CEP128: variants seen among roughly 807,000 people sequenced by gnomAD.
CEP128 encodes centrosomal protein 128kDa.
A neutral mutation model predicts 156.7 loss-of-function variants in CEP128; 132 were observed. That is an observed-to-expected ratio of 0.84 (90% CI 0.73 to 0.97). CEP128 has a LOEUF of 0.97. Ranked by LOEUF, CEP128 falls within the 50% of genes least tolerant of loss-of-function variation. The pLI, the probability that CEP128 is intolerant of heterozygous loss-of-function variation, is 0.00. For synonymous variants in CEP128, 469 were observed against 448.9 expected (o/e 1.04, Z -0.57); for missense variants, 1,252 against 1,281.9 (o/e 0.98, Z 0.36).
chr14:80,779,373 C>T (rs537472856), intron 15 of CEP128, among the ~76,000 whole-genome samples: 2 of 152,188 alleles, frequency 1.3e-5, no homozygotes, highest in South Asian at 2.1e-4. Context: ...ATTAAATTAA[C>T]AAAGAAATTG....
At chr14:80,645,396 T>C (rs2140815344) in intron 19 of CEP128, among the ~76,000 whole-genome samples, 1 of 152,190 alleles carries the variant, frequency 6.6e-6, no homozygotes, top group South Asian at 2.1e-4. Flanking sequence ...GAAATCAGAC[T>C]CAAAGTTAGC....
intron 23 of CEP128, among the ~76,000 whole-genome samples, chr14:80,508,233 G>C (rs544393391): frequency 1.3e-5 from 2 of 152,142 alleles, no homozygotes; most frequent in Non-Finnish European, 2.9e-5. Context: ...AATTTTTAAT[G>C]ATGAAGCCAG....
Position 80,526,932 on chromosome 14 carries a change from C to T in CEP128, c.3009G>A (p.Arg1003=), listed in dbSNP as rs370431744. ...GATGCTGAAGAGAATTTCTGCGAAC[C>T]CTGTATTTGGAATATCTTCCATCAG... is the stretch of plus-strand genomic sequence containing the variant. ...ERTDGRYSKY[R]VRRNSLQHHQ... is the part of the protein sequence containing the mutation. The change falls in exon 23 of 25, where the codon AGG becomes AGA. Residue 1003 remains arginine, a synonymous_variant. Coordinates refer to ENST00000555265, the MANE Select transcript of CEP128 (RefSeq NM_152446.5). 2.3e-5 allele frequency: 37 copies of T among 1,610,094 alleles called. No individual in the cohort carries two copies. Among genetic ancestry groups the T allele is most frequent in the Non-Finnish European group, 2.8e-5 (33 of 1,178,516 alleles).
At chr14:80,852,013 G>C (rs1886916067) in intron 9 of CEP128, among the ~76,000 whole-genome samples, 1 of 151,936 alleles carries the variant, frequency 6.6e-6, no homozygotes, top group Non-Finnish European at 1.5e-5. Flanking sequence ...AGAAGCTTTA[G>C]ATATATGTAC....
chr14:80,916,361 C>T (rs1487438512), intron 3 of CEP128, 40 bp downstream of exon 3: 1 of 1,524,674 alleles, frequency 6.6e-7, no homozygotes, highest in Non-Finnish European at 9.0e-7. Flanking sequence ...GCAGCTCAAA[C>T]TATTTAAATT....
At chr14:80,915,811 A>G (rs1190818948) in intron 3 of CEP128, among the ~76,000 whole-genome samples, 1 of 152,190 alleles carries the variant, frequency 6.6e-6, no homozygotes, top group African/African-American at 2.4e-5. Flanking sequence ...AACACTCTCC[A>G]CCACCTATCA....
rs140657689 is a variant in CEP128, at chr14:80,929,192, G to A, written c.-16+10193C>T. ...AGATACCATCTTATCCCAGCAGAAT[G>A]GCCATTATTAAAATGTCAAACAACA... On this transcript the variant is annotated intron_variant, in intron 2 of 24. Transcript: ENST00000555265. 1.5e-3 allele frequency among the ~76,000 whole-genome samples: 232 copies of A among 152,120 alleles called. 2 individuals carry two copies. The highest frequency in any genetic ancestry group is 5.1e-3 in the African/African-American group (210 of 41,494).
chr14:80,577,251 T>C (rs1358232400), intron 20 of CEP128, among the ~76,000 whole-genome samples: 2 of 152,190 alleles, frequency 1.3e-5, no homozygotes, highest in African/African-American at 2.4e-5. Flanking sequence ...ATTCGCTATA[T>C]GACTTTTAGT....
In CEP128 at chr14:80,546,728, C is replaced by T. The variant is rs939537132; in HGVS notation, c.2880+12551G>A. On this transcript the variant is annotated intron_variant, in intron 21 of 24. Coordinates refer to ENST00000555265, the MANE Select transcript of CEP128 (RefSeq NM_152446.5). ...AGAAAGCATAGGTAGCAGTGAGATGCTAGGAGAGAAAAACATCACAAAAGC... is the reference window on the plus strand; with the variant it reads ...AGAAAGCATAGGTAGCAGTGAGATGTTAGGAGAGAAAAACATCACAAAAGC... Among the ~76,000 whole-genome samples the T allele has an allele frequency of 1.9e-4, 29 of 152,052 alleles. 1 individual carries two copies. The highest frequency in any genetic ancestry group is 1.3e-4 in the Admixed American group (2 of 15,266).
At chr14:80,810,783 G>C (rs1884489102) in intron 13 of CEP128, among the ~76,000 whole-genome samples, 1 of 152,158 alleles carries the variant, frequency 6.6e-6, no homozygotes, top group Non-Finnish European at 1.5e-5. Context: ...TTTGATGAAA[G>C]AATTTCTATT....
intron 19 of CEP128, among the ~76,000 whole-genome samples, chr14:80,675,706 A>G (rs73332696): frequency 0.014 from 2,064 of 152,170 alleles, 42 homozygotes; most frequent in African/African-American, 0.047. Context: ...TGTTTTTGAA[A>G]CACATTTTGA....
intron 20 of CEP128, among the ~76,000 whole-genome samples, 194 bp from the exon 21 acceptor site, chr14:80,559,496 T>A (rs1890579189): frequency 6.6e-6 from 1 of 152,178 alleles, no homozygotes; most frequent in Non-Finnish European, 1.5e-5. Flanking sequence ...TCTTTTTTCA[T>A]CTCATTTAGT....
intron 19 of CEP128, among the ~76,000 whole-genome samples, chr14:80,662,501 T>C (rs988209092): frequency 6.6e-6 from 1 of 152,174 alleles, no homozygotes; most frequent in Non-Finnish European, 1.5e-5. Flanking sequence ...AAAGCCAATC[T>C]CTACCTTGTT....
At chr14:80,824,151 G>A (rs1252513871) in intron 13 of CEP128, among the ~76,000 whole-genome samples, 1 of 152,228 alleles carries the variant, frequency 6.6e-6, no homozygotes, top group East Asian at 1.9e-4. Context: ...AGCCACGGCT[G>A]GAGCAGCTGG....
At chr14:80,552,351 A>G (rs1369763983) in intron 21 of CEP128, among the ~76,000 whole-genome samples, 1 of 151,940 alleles carries the variant, frequency 6.6e-6, no homozygotes, top group Non-Finnish European at 1.5e-5. Flanking sequence ...AAACAAAAAT[A>G]TAAACCAATT....
At chr14:80,722,193 G>A (rs1169522197) in intron 19 of CEP128, among the ~76,000 whole-genome samples, 1 of 152,114 alleles carries the variant, frequency 6.6e-6, no homozygotes, top group African/African-American at 2.4e-5. Context: ...TCAGTGTGTG[G>A]GGGTGGCCTG....
intron 14 of CEP128, among the ~76,000 whole-genome samples, chr14:80,481,147 C>T (rs754499051): frequency 5.9e-5 from 9 of 152,154 alleles, no homozygotes; most frequent in Non-Finnish European, 1.2e-4. Flanking sequence ...TTTCATGCTG[C>T]TGCTAAAGAC....
intron 13 of CEP128, among the ~76,000 whole-genome samples, chr14:80,811,729 G>A (rs1398657901): frequency 2.0e-5 from 3 of 151,080 alleles, no homozygotes; most frequent in Non-Finnish European, 4.4e-5. Flanking sequence ...GTGTTTGTAT[G>A]TATGTATTAT....
In CEP128 at chr14:80,558,563, C is replaced by T. The variant is rs369563508; in HGVS notation, c.2880+716G>A. Among the ~76,000 whole-genome samples, 411 of 151,354 alleles carry T rather than the reference C, an allele frequency of 2.7e-3. 1 individual carries two copies. Among genetic ancestry groups the T allele is most frequent in the African/African-American group, 9.6e-3 (394 of 41,236 alleles). ...TCGGCCTCCCAAAGTGCTGGGATTA[C>T]GGGCGTGAGCCACCGCGCCTGGCCA... On this transcript the variant is annotated intron_variant, in intron 21 of 24. Transcript: ENST00000555265.
Sources: allele counts gnomAD v4.1 joint callset (sites outside exome capture counted in the v4.1 genomes callset), GRCh38; gene constraint gnomAD v4.1.1; transcripts MANE v1.5; gene names NCBI Gene and HGNC (gene_info 2026-07-23, HGNC 2026-07-21).